Variants in SEMA5B observed in about 807,000 individuals in gnomAD.
The protein encoded by SEMA5B is semaphorin 5B.
Under a neutral mutation model 135.0 loss-of-function variants are expected in SEMA5B, and 66 were observed. That is an observed-to-expected ratio of 0.49 (90% CI 0.40 to 0.60). The LOEUF (loss-of-function observed/expected upper bound fraction) is 0.60. Ranked by LOEUF, SEMA5B falls within the 20% of genes least tolerant of loss-of-function variation. SEMA5B has a pLI of 0.00. For synonymous variants in SEMA5B, 690 were observed against 639.5 expected (o/e 1.08, Z -1.19); for missense variants, 1,501 against 1,566.3 (o/e 0.96, Z 0.70).
At chr3:122,958,470 C>T (rs951318069) in intron 2 of SEMA5B, 72 of 152,186 alleles carry the variant, frequency 4.7e-4, no homozygotes, top group African/African-American at 1.7e-3. Flanking sequence ...CCAGGGCCAC[C>T]GAGTATGGTG....
In SEMA5B at chr3:122,912,876, C is replaced by T. The variant is rs764712160; in HGVS notation, c.2692G>A (p.Glu898Lys). 9 of 1,604,592 alleles carry T rather than the reference C, an allele frequency of 5.6e-6. No homozygotes were observed. The highest frequency in any genetic ancestry group is 1.7e-4 in the Middle Eastern group (1 of 6,034). The change falls in exon 18 of 23, where the codon GAG (glutamate) becomes AAG (lysine). Residue 898 changes from glutamate (E) to lysine (K), a missense_variant. Physicochemically the swap from Glu to Lys is moderately conservative, Grantham distance 56. Coordinates refer to ENST00000357599, the MANE Select transcript of SEMA5B (RefSeq NM_001031702.4). ...GCCTGGGGGTTGCAGTCCTGGTACT[C>T]GGCAGCATCGCCCACGCAGGGCAGG... The part of the protein sequence containing the change: ...GGLPCVGDAA[E>K]YQDCNPQACP...
intron 1 of SEMA5B, among the ~76,000 whole-genome samples, chr3:123,016,305 G>C (rs1328993703): frequency 1.3e-5 from 2 of 152,204 alleles, no homozygotes; most frequent in Non-Finnish European, 2.9e-5. Flanking sequence ...AAGATGCAGT[G>C]ATCCCTAAGT....
chr3:122,956,208 C>G (rs1362378672), intron 2 of SEMA5B, among the ~76,000 whole-genome samples: 3 of 152,230 alleles, frequency 2.0e-5, no homozygotes, highest in African/African-American at 7.2e-5. Context: ...AAGCATTTTC[C>G]CAAATCTTTG....
At chr3:122,979,954 T>A (rs1002480737) in intron 1 of SEMA5B, among the ~76,000 whole-genome samples, 16 of 152,248 alleles carry the variant, frequency 1.1e-4, no homozygotes, top group African/African-American at 3.9e-4. Context: ...AAAGTGATGC[T>A]ACACTTATTT....
At chr3:122,986,399 A>T (rs550540581) in intron 1 of SEMA5B, among the ~76,000 whole-genome samples, 29 of 152,320 alleles carry the variant, frequency 1.9e-4, no homozygotes, top group Admixed American at 1.0e-3. Flanking sequence ...GAGACATGAG[A>T]TCTTCTGAAA....
chr3:122,920,155 T>C (rs1001745957), intron 12 of SEMA5B, among the ~76,000 whole-genome samples: 3 of 152,216 alleles, frequency 2.0e-5, no homozygotes, highest in African/African-American at 7.2e-5. Flanking sequence ...ACCACTCCAG[T>C]GCCCACAGCC....
intron 1 of SEMA5B, among the ~76,000 whole-genome samples, chr3:123,021,270 G>A (rs1463718225): frequency 1.3e-5 from 2 of 152,168 alleles, no homozygotes; most frequent in Non-Finnish European, 2.9e-5. Flanking sequence ...CCAACCAACA[G>A]GGCAATGTGT....
At chr3:123,024,440 G>T (rs1942755226) in intron 1 of SEMA5B, among the ~76,000 whole-genome samples, 1 of 152,166 alleles carries the variant, frequency 6.6e-6, no homozygotes, top group Non-Finnish European at 1.5e-5. Context: ...AAAAAGTTAT[G>T]GTTGAATTTT....
intron 2 of SEMA5B, among the ~76,000 whole-genome samples, chr3:122,953,794 T>C (rs1576362483): frequency 6.6e-6 from 1 of 152,156 alleles, no homozygotes; most frequent in African/African-American, 2.4e-5. Flanking sequence ...GGAGGTGACT[T>C]CCCAACTCCC....
chr3:122,973,762 A>C (rs780403322), intron 1 of SEMA5B, among the ~76,000 whole-genome samples: 2 of 152,092 alleles, frequency 1.3e-5, no homozygotes, highest in Non-Finnish European at 2.9e-5. Context: ...GGGAATCTGC[A>C]ACCCACCAAG....
intron 1 of SEMA5B, among the ~76,000 whole-genome samples, chr3:122,994,925 T>C (rs918366919): frequency 2.0e-5 from 3 of 151,862 alleles, no homozygotes; most frequent in African/African-American, 7.3e-5. Context: ...GAAACGGAGG[T>C]AGTGGCTCTT....
chr3:122,910,346 CAG>C (rs749352360), intron 22 of SEMA5B, 45 bp from the exon 23 acceptor site: 3 of 1,602,966 alleles, frequency 1.9e-6, no homozygotes, highest in African/African-American at 1.3e-5. Context: ...AGGGAACACA[CAG>C]GGGAAGGGAA....
chr3:123,000,876 C>T (rs555013879), intron 1 of SEMA5B, among the ~76,000 whole-genome samples: 4 of 152,318 alleles, frequency 2.6e-5, no homozygotes, highest in South Asian at 2.1e-4. Context: ...CAGACACCTG[C>T]GTACGTGGTC....
chr3:122,975,957 A>C (rs1941304134), intron 1 of SEMA5B: 1 of 1,532,016 alleles, frequency 6.5e-7, no homozygotes, highest in African/African-American at 1.4e-5. Context: ...CCTCCTCAAC[A>C]CATCCCAAAT....
chr3:123,024,073 T>C (rs1942749141), intron 1 of SEMA5B, among the ~76,000 whole-genome samples: 1 of 152,240 alleles, frequency 6.6e-6, no homozygotes, highest in African/African-American at 2.4e-5. Context: ...AGGGATCTTG[T>C]CTTTTTGTCT....
intron 1 of SEMA5B, among the ~76,000 whole-genome samples, chr3:123,020,450 C>A (rs1211195931): frequency 6.6e-6 from 1 of 152,104 alleles, no homozygotes; most frequent in Non-Finnish European, 1.5e-5. Flanking sequence ...AAGGAAGTAA[C>A]CAGACAGGAG....
chr3:122,970,757 C>G (rs1293204905), intron 1 of SEMA5B, among the ~76,000 whole-genome samples: 8 of 152,234 alleles, frequency 5.3e-5, no homozygotes, highest in Non-Finnish European at 1.5e-5. Flanking sequence ...ATGTTCATGA[C>G]TTGCCCAAGG....
At chr3:122,928,052 T>TAAAAGG (rs1938743457) in intron 7 of SEMA5B, 49 bp from the exon 8 acceptor site, 1 of 1,340,494 alleles carries the variant, frequency 7.5e-7, no homozygotes, top group Non-Finnish European at 9.9e-7. Context: ...GCCCTGGGGC[T>TAAAAGG]GCCTGTTCTT....
At chr3:122,943,694 G>T (rs1426012130) in intron 3 of SEMA5B, among the ~76,000 whole-genome samples, 159 bp from the exon 4 acceptor site, 1 of 152,142 alleles carries the variant, frequency 6.6e-6, no homozygotes, top group Non-Finnish European at 1.5e-5. Context: ...TGCCCCTAGG[G>T]ACTTGGGAGT....
Sources: allele counts gnomAD v4.1 joint callset (sites outside exome capture counted in the v4.1 genomes callset), GRCh38; gene constraint gnomAD v4.1.1; transcripts MANE v1.5; gene names NCBI Gene and HGNC (gene_info 2026-07-23, HGNC 2026-07-21).